The following HMGB1 variants were observed in gnomAD, a reference collection of about 807,000 sequenced individuals.
HMGB1 encodes the protein high mobility group box 1.
For missense variants in HMGB1, 79 were observed against 253.5 expected, an observed-to-expected ratio of 0.31 and a Z score of 4.67; for synonymous variants, 81 against 84.0, an observed-to-expected ratio of 0.96 and a Z score of 0.19.
At chr13:30,515,069 G>C (rs949824647) in intron 1 of HMGB1, among the ~76,000 whole-genome samples, 1 of 152,218 alleles carries the variant, frequency 6.6e-6, no homozygotes, top group African/African-American at 2.4e-5. Context: ...AAAGCAGAGC[G>C]CTGGAGGCAG....
At position 30,483,312 on chromosome 13, in the gene HMGB1, A is replaced by T. The variant is rs141085525; in HGVS notation, c.-14-19618T>A. On this transcript the variant is annotated intron_variant, in intron 1 of 4. Transcript: ENST00000405805. ...TAAAACTTCCTCTGGGGGTCCTCTCACTCAGTTGCCCGGCCCAGAAACCTG... is the reference window on the plus strand; with the variant it reads ...TAAAACTTCCTCTGGGGGTCCTCTCTCTCAGTTGCCCGGCCCAGAAACCTG... Among the ~76,000 whole-genome samples the T allele has an allele frequency of 2.0e-3, 304 of 151,754 alleles. 1 individual carries two copies. Among genetic ancestry groups the T allele is most frequent in the African/African-American group, 7.2e-3 (297 of 41,390 alleles).
chr13:30,464,090 G>T lies in HMGB1; in HGVS notation c.-14-396C>A, dbSNP rs968600165. 20 of 985,878 alleles carry T rather than the reference G, an allele frequency of 2.0e-5. No homozygotes were observed. The East Asian group carries it at 1.2e-3, about 61-fold the overall frequency. 61.1% of individuals were successfully genotyped at this position (985,878 alleles called of 1,614,324 possible). ...GCTGCCAATTCGTGGCTTTGCACTA[G>T]ATAGGGAATAAACAAGGGCCTAAGC... is the stretch of plus-strand genomic sequence containing the variant. On this transcript the variant is annotated intron_variant, in intron 1 of 4. Transcript: ENST00000341423.
chr13:30,532,413 A>C (rs778597621), intron 1 of HMGB1, among the ~76,000 whole-genome samples: 14 of 151,894 alleles, frequency 9.2e-5, no homozygotes, highest in Non-Finnish European at 1.8e-4. Context: ...ATATCTTTCC[A>C]TATAAGTAGA....
chr13:30,546,997 A>G (rs1869191895), intron 1 of HMGB1, among the ~76,000 whole-genome samples: 1 of 152,136 alleles, frequency 6.6e-6, no homozygotes, highest in Admixed American at 6.5e-5. Context: ...CTTTATCCCT[A>G]TCCTACTCCT....
intron 1 of HMGB1, among the ~76,000 whole-genome samples, chr13:30,590,932 A>G (rs1871339932): frequency 1.3e-5 from 2 of 152,258 alleles, no homozygotes; most frequent in South Asian, 2.1e-4. Context: ...CTGTTTATAA[A>G]TTATCCAGTG....
intron 1 of HMGB1, among the ~76,000 whole-genome samples, chr13:30,581,563 AG>A (rs1284185751): frequency 1.3e-5 from 2 of 152,226 alleles, no homozygotes; most frequent in African/African-American, 4.8e-5. Flanking sequence ...TTTTACAGAA[AG>A]TTTGCTGATC....
intron 1 of HMGB1, among the ~76,000 whole-genome samples, chr13:30,604,327 CGGTGAGA>C (rs111481281): frequency 2.0e-5 from 3 of 152,160 alleles, no homozygotes; most frequent in African/African-American, 7.2e-5. Flanking sequence ...AGCTGCATGG[CGGTGAGA>C]GGAAGCAGAA....
At position 30,460,550 on chromosome 13, in the gene HMGB1, CAT is replaced by C. The variant is rs1326251524; in HGVS notation, c.*805_*806del. On this transcript the variant is annotated 3_prime_UTR_variant, in exon 5 of 5. Coordinates refer to ENST00000341423, the MANE Select transcript of HMGB1 (RefSeq NM_002128.7). ...TAGAGTCCTCATGTAAAGGTTAGAA[CAT>C]ACTTTTCTATTAGTCCTTCAAGGAC... 1.3e-5 allele frequency: 2 copies of C among 152,386 alleles called. No individual in the cohort carries two copies. Among genetic ancestry groups the C allele is most frequent in the South Asian group, 2.1e-4 (1 of 4,810 alleles). 9.4% of individuals were successfully genotyped at this position (152,386 alleles called of 1,614,324 possible). A position where few individuals can be genotyped will look rare whatever the true frequency, so the allele number is the denominator to read the frequency against.
At chr13:30,534,886 T>C (rs550612233) in intron 1 of HMGB1, among the ~76,000 whole-genome samples, 1 of 152,146 alleles carries the variant, frequency 6.6e-6, no homozygotes, top group Non-Finnish European at 1.5e-5. Flanking sequence ...CAGTTCAAGC[T>C]GTTTTCTAAC....
At chr13:30,468,622 T>G (rs1427678240), upstream of HMGB1, among the ~76,000 whole-genome samples, 1 of 152,184 alleles carries the variant, frequency 6.6e-6, no homozygotes, top group African/African-American at 2.4e-5. Context: ...GATGGTACCT[T>G]TATTTATTCC....
At chr13:30,465,018 C>T (rs1232125895) in intron 1 of HMGB1, 1 of 270,506 alleles carries the variant, frequency 3.7e-6, no homozygotes, top group Non-Finnish European at 5.5e-6. Context: ...CGCGCCCCGC[C>T]GCCCCCGCAC....
intron 1 of HMGB1, among the ~76,000 whole-genome samples, chr13:30,557,097 T>C (rs563630577): frequency 6.6e-6 from 1 of 152,312 alleles, no homozygotes; most frequent in Non-Finnish European, 1.5e-5. Flanking sequence ...CATTTACTTA[T>C]ATAACAAATT....
chr13:30,514,883 G>T (rs1888069296), intron 1 of HMGB1, among the ~76,000 whole-genome samples: 1 of 152,140 alleles, frequency 6.6e-6, no homozygotes, highest in Admixed American at 6.5e-5. Context: ...GATGATCCTC[G>T]ATGACCTCCC....
At position 30,456,819 on chromosome 13, in the gene HMGB1, T is replaced by G. The variant is rs1886011263; in HGVS notation, c.*4538A>C. 1 of 131,986 alleles carries G rather than the reference T, an allele frequency of 7.6e-6. No individual in the cohort carries two copies. Among genetic ancestry groups the G allele is most frequent in the Non-Finnish European group, 1.5e-5 (1 of 64,560 alleles). The allele number at this position is 131,986 out of a possible 1,614,324, so 8.2% of individuals were successfully genotyped here. On this transcript the variant is annotated 3_prime_UTR_variant, in exon 5 of 5. Coordinates refer to ENST00000341423, the MANE Select transcript of HMGB1 (RefSeq NM_002128.7). ...CATCTTCCAAAATGTTAAATGCAAATGTCTTTTGACTCAGCAGTTCTACTT... is the reference window on the plus strand; with the variant it reads ...CATCTTCCAAAATGTTAAATGCAAAGGTCTTTTGACTCAGCAGTTCTACTT...
intron 1 of HMGB1, among the ~76,000 whole-genome samples, chr13:30,549,705 T>C (rs1869333203): frequency 1.4e-5 from 1 of 69,398 alleles, no homozygotes; most frequent in Admixed American, 2.5e-4. Flanking sequence ...CAAACACTAA[T>C]TGTTTGTTTT....
At chr13:30,531,076 C>T (rs1888482688) in intron 1 of HMGB1, among the ~76,000 whole-genome samples, 1 of 152,122 alleles carries the variant, frequency 6.6e-6, no homozygotes, top group Non-Finnish European at 1.5e-5. Flanking sequence ...TGCACACACA[C>T]ATTTGCATAT....
intron 1 of HMGB1, among the ~76,000 whole-genome samples, chr13:30,530,490 C>T (rs1244971503): frequency 6.6e-6 from 1 of 152,188 alleles, no homozygotes; most frequent in Non-Finnish European, 1.5e-5. Context: ...CAATTATCCA[C>T]ATGGATACCC....
Position 30,464,465 on chromosome 13 carries a change from G to C in HMGB1, c.-14-771C>G, listed in dbSNP as rs1014056100. The C allele has an allele frequency of 8.1e-5, 80 of 985,098 alleles. No homozygotes were observed. In the African/African-American group the frequency reaches 1.4e-3, roughly 17 times the overall value. 61.0% of individuals were successfully genotyped at this position (985,098 alleles called of 1,614,324 possible). ...GTGAAAGTTGGGGTGACTCCTGCGC[G>C]GGGCGAGCCCCCCGCCCCTAGAACT... On this transcript the variant is annotated intron_variant, in intron 1 of 4. Coordinates refer to ENST00000341423, the MANE Select transcript of HMGB1 (RefSeq NM_002128.7).
chr13:30,472,625 A>G (rs917107431), intron 1 of HMGB1, among the ~76,000 whole-genome samples: 10 of 42,116 alleles, frequency 2.4e-4, no homozygotes, highest in Admixed American at 5.5e-4. Flanking sequence ...CAATACAGAA[A>G]ACAACAACAA....
Sources: gnomAD v4.1 joint callset for allele counts (sites outside exome capture counted in the v4.1 genomes callset) on GRCh38, gnomAD v4.1.1 for gene constraint, MANE v1.5 for transcripts, NCBI Gene and HGNC (gene_info 2026-07-23, HGNC 2026-07-21) for gene names.